ZMPSTE24: variants seen among roughly 807,000 people sequenced by gnomAD.
ZMPSTE24 encodes the protein CAAX prenyl protease 1 homolog.
Under a neutral mutation model 56.7 loss-of-function variants are expected in ZMPSTE24, and 48 were observed. The observed-to-expected ratio is 0.85, with a 90% CI of 0.67 to 1.08. The LOEUF (loss-of-function observed/expected upper bound fraction) is 1.08. ZMPSTE24 is among the 50% of genes least tolerant of loss of function. The pLI is 0.00. For missense variants in ZMPSTE24, 503 were observed against 548.7 expected, an observed-to-expected ratio of 0.92 and a Z score of 0.83; for synonymous variants, 172 against 195.2, an observed-to-expected ratio of 0.88 and a Z score of 0.99.
intron 9 of ZMPSTE24, among the ~76,000 whole-genome samples, chr1:40,291,842 T>C (rs919040830): frequency 7.3e-6 from 1 of 137,316 alleles, no homozygotes; most frequent in Admixed American, 6.9e-5. Flanking sequence ...TAAAACTCTT[T>C]TTTTTTTTTT....
chr1:40,268,148 AAT>A lies in ZMPSTE24; in HGVS notation c.358-270_358-269del, dbSNP rs1188525346. The stretch of plus-strand genomic sequence containing the variant: ...ACTTTCTTCCATGTGGTAAGCCAAG[AAT>A]CCAGGCTCTTTATCTTAGGGATTTG... On this transcript the variant is annotated intron_variant, in intron 3 of 9. Coordinates refer to ENST00000372759, the MANE Select transcript of ZMPSTE24 (RefSeq NM_005857.5). Among the ~76,000 whole-genome samples, 68 of 152,346 alleles carry A rather than the reference AAT, an allele frequency of 4.5e-4. 1 individual carries two copies. The South Asian group carries it at 0.013, about 29-fold the overall frequency.
At chr1:40,288,517 G>A (rs774814529) in intron 8 of ZMPSTE24, among the ~76,000 whole-genome samples, 18 of 152,184 alleles carry the variant, frequency 1.2e-4, no homozygotes, top group Admixed American at 4.6e-4. Context: ...TATGGCATGC[G>A]CCAGTGAGGA....
chr1:40,286,062 C>G, intron 8 of ZMPSTE24, 33 bp downstream of exon 8: 1 of 1,560,834 alleles, frequency 6.4e-7, no homozygotes. Context: ...TTTTTTATGG[C>G]ATGATAGTCA....
intron 2 of ZMPSTE24, among the ~76,000 whole-genome samples, chr1:40,266,477 GTC>G: frequency 6.6e-6 from 1 of 152,284 alleles, no homozygotes. Context: ...TTTAGTGAAT[GTC>G]TGTGTTCACT....
Position 40,270,103 on chromosome 1 carries a change from G to C in ZMPSTE24, c.603G>C (p.Trp201Cys), listed in dbSNP as rs752904264. The C allele has an allele frequency of 6.2e-7, 1 of 1,613,752 alleles. No individual in the cohort carries two copies. The highest frequency in any genetic ancestry group is 8.5e-7 in the Non-Finnish European group (1 of 1,179,892). ...IGGDYFFIYA[W>C]LFTLVVSLVL... ...GTGACTATTTTTTTATTTATGCCTG[G>C]CTGTTCACATTAGTTGTGTCTCTGG... The change falls in exon 5 of 10, where the codon TGG becomes TGC. Residue 201 changes from tryptophan (W) to cysteine (C), a missense_variant. Coordinates refer to ENST00000372759, the MANE Select transcript of ZMPSTE24 (RefSeq NM_005857.5).
chr1:40,290,706 C>T, intron 8 of ZMPSTE24, 148 bp from the exon 9 acceptor site: 1 of 773,424 alleles, frequency 1.3e-6, no homozygotes, highest in Non-Finnish European at 2.1e-6. Context: ...TCGTGATCCA[C>T]CCGCCTTGGC....
Position 40,290,450 on chromosome 1 carries a change from A to ATTTTTTTTTTTTTTTTTTTTTTT in ZMPSTE24, c.1060-398_1060-376dup, listed in dbSNP as rs996301433. On this transcript the variant is annotated intron_variant, in intron 8 of 9. Transcript: ENST00000372759. ...TACCTTTCTTAAAATCACACTATGA[A>ATTTTTTTTTTTTTTTTTTTTTTT]TTTTTTTTTTTTTTTTTTTTTTTTT... 1.6e-4 allele frequency among the ~76,000 whole-genome samples: 13 copies of ATTTTTTTTTTTTTTTTTTTTTTT among 82,588 alleles called. 4 individuals carry two copies. Among genetic ancestry groups the ATTTTTTTTTTTTTTTTTTTTTTT allele is most frequent in the East Asian group, 3.5e-4 (1 of 2,874 alleles). The allele number at this position is 82,588 out of a possible 152,430, so 54.2% of individuals were successfully genotyped here. A position where few individuals can be genotyped will look rare whatever the true frequency, so the allele number is the denominator to read the frequency against.
chr1:40,263,109 C>A, intron 2 of ZMPSTE24: 1 of 528,184 alleles, frequency 1.9e-6, no homozygotes, highest in Non-Finnish European at 2.4e-6. Flanking sequence ...TAAATAGTGC[C>A]AGGAAAGATA....
intron 4 of ZMPSTE24, 25 bp downstream of exon 4, chr1:40,268,560 T>C (rs1324954915): frequency 6.8e-7 from 1 of 1,463,590 alleles, no homozygotes; most frequent in Admixed American, 1.7e-5. Flanking sequence ...ACAAATGTTC[T>C]CTTTTAAATG....
In ZMPSTE24 at chr1:40,279,697, G is replaced by T. The variant is rs558145470; in HGVS notation, c.770-1646G>T. 2.6e-5 allele frequency among the ~76,000 whole-genome samples: 4 copies of T among 152,268 alleles called. No individual in the cohort carries two copies. The East Asian group carries it at 7.7e-4, about 29-fold the overall frequency. Reference sequence around the variant, plus strand: ...GGATTGATTTTGCGATGTTCGGTTGGGTGTTGTCTTGGAGAAGAATTGGGC... The same window carrying T: ...GGATTGATTTTGCGATGTTCGGTTGTGTGTTGTCTTGGAGAAGAATTGGGC... On this transcript the variant is annotated intron_variant, in intron 6 of 9. Coordinates refer to ENST00000372759, the MANE Select transcript of ZMPSTE24 (RefSeq NM_005857.5).
In ZMPSTE24 at chr1:40,281,486, G is replaced by A. The variant is rs140290237; in HGVS notation, c.913G>A (p.Glu305Lys). The change falls in exon 7 of 10, where the codon GAG (glutamate) becomes AAG (lysine). Residue 305 changes from glutamate to lysine, a missense_variant. By Grantham distance (56) the Glu-to-Lys change is moderately conservative (BLOSUM62 1). Transcript: ENST00000372759. ...GGATTCTGGCATGGAACCCCGCAATGAGGAAGAAGGGAACAGTGAAGAAAT... is the reference window on the plus strand; with the variant it reads ...GGATTCTGGCATGGAACCCCGCAATAAGGAAGAAGGGAACAGTGAAGAAAT... ...QEDSGMEPRN[E>K]EEGNSEEIKA... 1.9e-6 allele frequency: 3 copies of A among 1,613,994 alleles called. No homozygotes were observed. The highest frequency in any genetic ancestry group is 8.5e-7 in the Non-Finnish European group (1 of 1,180,000).
At chr1:40,261,738 C>CT (rs1264374597) in intron 2 of ZMPSTE24, among the ~76,000 whole-genome samples, 1 of 152,098 alleles carries the variant, frequency 6.6e-6, no homozygotes, top group Non-Finnish European at 1.5e-5. Context: ...TGAGCAGTGT[C>CT]TTGCTCTGTC....
chr1:40,263,348 G>A (rs1452461452), intron 2 of ZMPSTE24, among the ~76,000 whole-genome samples: 1 of 152,232 alleles, frequency 6.6e-6, no homozygotes, highest in African/African-American at 2.4e-5. Flanking sequence ...TTACAACAGT[G>A]AAGTGGAAAG....
At position 40,282,794 on chromosome 1, in the gene ZMPSTE24, C is replaced by T. The variant is rs115478099; in HGVS notation, c.954+1267C>T. 2.8e-3 allele frequency among the ~76,000 whole-genome samples: 432 copies of T among 152,306 alleles called. 1 individual carries two copies. Among genetic ancestry groups the T allele is most frequent in the African/African-American group, 9.5e-3 (394 of 41,550 alleles). On this transcript the variant is annotated intron_variant, in intron 7 of 9. Transcript: ENST00000372759. ...TAGCAGCATCCCTGGTCTCTCCCCA[C>T]TAGGGGCCATTTCCCCTACAACCTC...
At chr1:40,278,585 A>AG (rs1643695708) in intron 6 of ZMPSTE24, among the ~76,000 whole-genome samples, 7 of 148,196 alleles carry the variant, frequency 4.7e-5, no homozygotes, top group African/African-American at 1.7e-4. Context: ...AAAAAAAAAA[A>AG]AGAATATCTC....
chr1:40,278,483 G>C (rs1408179778), intron 6 of ZMPSTE24, among the ~76,000 whole-genome samples: 9 of 144,524 alleles, frequency 6.2e-5, no homozygotes, highest in Admixed American at 4.9e-4. Context: ...GCGTGAACCC[G>C]GGAGGCGGAG....
At chr1:40,265,734 A>G (rs1643542434) in intron 2 of ZMPSTE24, among the ~76,000 whole-genome samples, 1 of 152,216 alleles carries the variant, frequency 6.6e-6, no homozygotes, top group African/African-American at 2.4e-5. Flanking sequence ...AATGATTTTC[A>G]AACTTTAGTG....
chr1:40,260,743 A>C, intron 1 of ZMPSTE24, 96 bp from the exon 2 acceptor site: 1 of 1,296,808 alleles, frequency 7.7e-7, no homozygotes, highest in Non-Finnish European at 1.1e-6. Context: ...TTCAACAGAT[A>C]TAAGTGGCAA....
intron 6 of ZMPSTE24, among the ~76,000 whole-genome samples, chr1:40,275,345 A>T (rs1643657920): frequency 6.6e-6 from 1 of 150,784 alleles, no homozygotes; most frequent in Admixed American, 6.6e-5. Context: ...AAGGCAGGAG[A>T]ATTGCTTGAA....
Sources: gnomAD v4.1 joint callset for allele counts (sites outside exome capture counted in the v4.1 genomes callset) on GRCh38, gnomAD v4.1.1 for gene constraint, MANE v1.5 for transcripts, NCBI Gene and HGNC (gene_info 2026-07-23, HGNC 2026-07-21) for gene names.